Variants in EPM2A observed in about 807,000 individuals in gnomAD.
EPM2A encodes the protein EPM2A glucan phosphatase, laforin.
Under a neutral mutation model 26.5 loss-of-function variants are expected in EPM2A, and 21 were observed. The ratio of observed to expected loss-of-function variants is 0.79; its 90% confidence interval spans 0.56 to 1.14. The LOEUF (loss-of-function observed/expected upper bound fraction) is 1.14. Ranked by LOEUF, EPM2A falls within the 50% of genes most tolerant of loss-of-function variation. The pLI is 0.00. For synonymous variants in EPM2A, 217 were observed against 177.6 expected (o/e 1.22, Z -1.76); for missense variants, 458 against 440.8 (o/e 1.04, Z -0.35).
At chr6:145,714,105 G>C (rs921773946) in intron 1 of EPM2A, among the ~76,000 whole-genome samples, 3 of 152,172 alleles carry the variant, frequency 2.0e-5, no homozygotes, top group Non-Finnish European at 4.4e-5. Context: ...GACTGGTAAT[G>C]AGCACAGAGT....
chr6:145,601,842 G>T (rs935985192), intron 2 of EPM2A, among the ~76,000 whole-genome samples: 19 of 152,074 alleles, frequency 1.2e-4, no homozygotes, highest in Non-Finnish European at 2.5e-4. Context: ...GGTATTGTGT[G>T]AACTAAAGCT....
intron 2 of EPM2A, chr6:145,641,261 G>C (rs779750529): frequency 1.1e-4 from 16 of 152,184 alleles, no homozygotes; most frequent in Non-Finnish European, 1.6e-4. Flanking sequence ...GGTCTCTACA[G>C]AGGTGATCAA....
chr6:145,430,620 C>T (rs915062804), intron 4 of EPM2A, among the ~76,000 whole-genome samples: 2 of 151,122 alleles, frequency 1.3e-5, no homozygotes, highest in South Asian at 2.1e-4. Context: ...AAAAAAGAAC[C>T]ATTAATAGCA....
chr6:145,438,691 C>T (rs1779020911), intron 4 of EPM2A, among the ~76,000 whole-genome samples: 1 of 152,084 alleles, frequency 6.6e-6, no homozygotes, highest in Admixed American at 6.5e-5. Context: ...TCAGGCTGGT[C>T]TCAAACTCCT....
At chr6:145,568,882 T>C (rs1384378432) in intron 2 of EPM2A, among the ~76,000 whole-genome samples, 2 of 152,164 alleles carry the variant, frequency 1.3e-5, no homozygotes, top group African/African-American at 4.8e-5. Context: ...ACGCCTTGGA[T>C]GGAATAATTG....
At chr6:145,732,234 TGTGC>T (rs778919166) in intron 1 of EPM2A, among the ~76,000 whole-genome samples, 1,374 of 111,628 alleles carry the variant, frequency 0.012, 12 homozygotes, top group African/African-American at 0.032. Context: ...TGTGTGTGTG[TGTGC>T]GCGCCAAAGT....
At chr6:145,690,510 C>T (rs1781210620) in intron 1 of EPM2A, among the ~76,000 whole-genome samples, 1 of 128,226 alleles carries the variant, frequency 7.8e-6, no homozygotes, top group African/African-American at 3.0e-5. Flanking sequence ...GAGCGAGACT[C>T]CGTCTCAAAA....
chr6:145,605,378 A>T (rs1159086504), intron 2 of EPM2A, among the ~76,000 whole-genome samples: 3 of 152,138 alleles, frequency 2.0e-5, no homozygotes, highest in Non-Finnish European at 4.4e-5. Context: ...ACAGTAAAAA[A>T]TATACTCGTG....
At chr6:145,466,608 A>G (rs1008189072) in intron 4 of EPM2A, among the ~76,000 whole-genome samples, 2 of 152,098 alleles carry the variant, frequency 1.3e-5, no homozygotes, top group African/African-American at 2.4e-5. Flanking sequence ...ATCTAGAACT[A>G]GAAATACCAT....
intron 4 of EPM2A, among the ~76,000 whole-genome samples, chr6:145,451,503 C>A (rs1434664537): frequency 1.3e-5 from 2 of 152,190 alleles, no homozygotes; most frequent in African/African-American, 4.8e-5. Flanking sequence ...TTATAATATT[C>A]TTCTCTTTTC....
chr6:145,460,220 G>A (rs928486885), intron 4 of EPM2A, among the ~76,000 whole-genome samples: 1 of 152,108 alleles, frequency 6.6e-6, no homozygotes, highest in Admixed American at 6.6e-5. Context: ...TGTACATCCT[G>A]AGATTTACAC....
At chr6:145,521,767 T>C (rs1054121517) in intron 2 of EPM2A, among the ~76,000 whole-genome samples, 13 of 152,144 alleles carry the variant, frequency 8.5e-5, no homozygotes, top group African/African-American at 2.9e-4. Context: ...TAGGAAGTAG[T>C]GGTTGGAGAT....
intron 2 of EPM2A, among the ~76,000 whole-genome samples, chr6:145,647,644 A>G (rs1045464341): frequency 6.6e-5 from 10 of 152,062 alleles, no homozygotes; most frequent in African/African-American, 2.4e-4. Context: ...TGCATCCAGC[A>G]TATAGTTATA....
intron 2 of EPM2A, among the ~76,000 whole-genome samples, chr6:145,648,226 CCTTAAGTCT>C (rs1465638138): frequency 6.6e-6 from 1 of 152,126 alleles, no homozygotes; most frequent in Non-Finnish European, 1.5e-5. Context: ...TTTTCTTCGA[CCTTAAGTCT>C]CTTGCATTAT....
chr6:145,451,798 T>G (rs895150852), intron 4 of EPM2A, among the ~76,000 whole-genome samples: 2 of 152,218 alleles, frequency 1.3e-5, no homozygotes, highest in Non-Finnish European at 2.9e-5. Context: ...AATTTTAATT[T>G]GTATTACAGT....
At chr6:145,589,848 A>G (rs759860415) in intron 2 of EPM2A, among the ~76,000 whole-genome samples, 9 of 150,164 alleles carry the variant, frequency 6.0e-5, no homozygotes, top group Admixed American at 3.3e-4. Context: ...GAAGCAGGGT[A>G]CCCTTTGGGG....
At chr6:145,505,779 A>G (rs1163809563) in intron 2 of EPM2A, among the ~76,000 whole-genome samples, 1 of 152,240 alleles carries the variant, frequency 6.6e-6, no homozygotes, top group African/African-American at 2.4e-5. Context: ...TTTTCTTAAT[A>G]AAAATTATAA....
chr6:145,724,275 T>C (rs1776088537), intron 1 of EPM2A, among the ~76,000 whole-genome samples: 1 of 152,082 alleles, frequency 6.6e-6, no homozygotes, highest in Admixed American at 6.6e-5. Flanking sequence ...AGTTAATTTA[T>C]TTCCTAGATA....
chr6:145,414,213 C>A (rs570788195), intron 4 of EPM2A, among the ~76,000 whole-genome samples: 2 of 152,198 alleles, frequency 1.3e-5, no homozygotes, highest in African/African-American at 4.8e-5. Context: ...TTTTGCTGTC[C>A]TGGATAGCTG....
Sources: gnomAD v4.1 joint callset for allele counts (sites outside exome capture counted in the v4.1 genomes callset) on GRCh38, gnomAD v4.1.1 for gene constraint, MANE v1.5 for transcripts, NCBI Gene and HGNC (gene_info 2026-07-23, HGNC 2026-07-21) for gene names.